NPTN: variants seen among roughly 807,000 people sequenced by gnomAD.
NPTN encodes the protein neuroplastin.
Under a neutral mutation model 42.7 loss-of-function variants are expected in NPTN, and 5 were observed. That is an observed-to-expected ratio of 0.12 (90% CI 0.06 to 0.25). The LOEUF (loss-of-function observed/expected upper bound fraction) is 0.25. Ranked by LOEUF, NPTN falls within the 10% of genes least tolerant of loss-of-function variation. The pLI, the probability that NPTN is intolerant of heterozygous loss-of-function variation, is 1.00. For missense variants in NPTN, 307 were observed against 525.4 expected, an observed-to-expected ratio of 0.58 and a Z score of 4.06; for synonymous variants, 180 against 201.9, an observed-to-expected ratio of 0.89 and a Z score of 0.92.
At chr15:73,595,024 C>G (rs1896768644) in intron 2 of NPTN, among the ~76,000 whole-genome samples, 1 of 151,012 alleles carries the variant, frequency 6.6e-6, no homozygotes, top group South Asian at 2.1e-4. Flanking sequence ...CTTGGGTTAA[C>G]TGACTGATGG....
Position 73,569,673 on chromosome 15 carries a change from A to G in NPTN, c.1114+477T>C. On this transcript the variant is annotated intron_variant, in intron 6 of 8. Coordinates refer to ENST00000345330, the MANE Select transcript of NPTN (RefSeq NM_012428.4). The surrounding 1 kb of genome is among the most constrained non-coding windows in gnomAD (Gnocchi z 4.1). ...TGACTGGGCTGGGGCAGTTACCTAC[A>G]GGGGCTACACCAGGCAACCATGTGA... The G allele has an allele frequency of 2.0e-6, 2 of 985,444 alleles. No homozygotes were observed. Among genetic ancestry groups the G allele is most frequent in the Non-Finnish European group, 2.4e-6 (2 of 829,936 alleles). 61.0% of individuals were successfully genotyped at this position (985,444 alleles called of 1,614,324 possible).
intron 1 of NPTN, among the ~76,000 whole-genome samples, chr15:73,626,474 A>G (rs970697675): frequency 2.0e-5 from 3 of 152,252 alleles, no homozygotes; most frequent in African/African-American, 7.2e-5. Flanking sequence ...TGGAGACAGT[A>G]TCTAAGCTAT....
intron 1 of NPTN, among the ~76,000 whole-genome samples, chr15:73,605,100 G>GC (rs1183337162): frequency 2.4e-4 from 30 of 123,768 alleles, no homozygotes; most frequent in African/African-American, 8.2e-4. Flanking sequence ...CCTGTCTCAA[G>GC]GGGGGGGGGG....
intron 1 of NPTN, among the ~76,000 whole-genome samples, chr15:73,632,265 C>A (rs1316579501): frequency 6.7e-6 from 1 of 149,860 alleles, no homozygotes; most frequent in Admixed American, 6.7e-5. Flanking sequence ...TCTTCCCCCA[C>A]CCCCATCTCT....
rs548503220 is a variant in NPTN at position 73,584,806 on chromosome 15, C to T, written c.706+2718G>A. Among the ~76,000 whole-genome samples the T allele has an allele frequency of 4.7e-4, 71 of 151,292 alleles. 2 individuals carry two copies. The South Asian group carries it at 0.015, about 31-fold the overall frequency. ...AAAAGGGAGAGAATTTAAAAACCTG[C>T]TCCAGATACAAGGCCTCCCCCACTA... On this transcript the variant is annotated intron_variant, in intron 4 of 8. Coordinates refer to ENST00000345330, the MANE Select transcript of NPTN (RefSeq NM_012428.4).
intron 1 of NPTN, among the ~76,000 whole-genome samples, chr15:73,612,409 G>T (rs79818691): frequency 0.016 from 2,199 of 133,960 alleles, 80 homozygotes; most frequent in African/African-American, 0.059. Context: ...CACAGAGCGA[G>T]ATCCTGTCTC....
At chr15:73,568,202 G>A (rs186775188) in intron 6 of NPTN, 20 of 985,508 alleles carry the variant, frequency 2.0e-5, no homozygotes, top group African/African-American at 1.7e-4. Flanking sequence ...CATGCACTGT[G>A]ATAGCAACCT....
intron 4 of NPTN, among the ~76,000 whole-genome samples, chr15:73,580,086 G>A (rs1895908815): frequency 6.6e-6 from 1 of 152,000 alleles, no homozygotes; most frequent in African/African-American, 2.4e-5. Context: ...ACTCAAGTTT[G>A]GAAAAGTAAT....
At chr15:73,573,271 A>G (rs1895509230) in intron 5 of NPTN, among the ~76,000 whole-genome samples, 1 of 152,166 alleles carries the variant, frequency 6.6e-6, no homozygotes, top group African/African-American at 2.4e-5. Context: ...GTTGTCTAAG[A>G]TAGGAAAGAT....
intron 1 of NPTN, among the ~76,000 whole-genome samples, chr15:73,627,136 G>T (rs1898459150): frequency 1.3e-5 from 2 of 152,220 alleles, no homozygotes; most frequent in Admixed American, 1.3e-4. Context: ...TCAGGAAGCT[G>T]AGGCAGGGAG....
chr15:73,611,701 T>C (rs1288417987), intron 1 of NPTN, among the ~76,000 whole-genome samples: 1 of 152,178 alleles, frequency 6.6e-6, no homozygotes, highest in Non-Finnish European at 1.5e-5. Flanking sequence ...TCAAAACTCA[T>C]AGTATGCACA....
intron 4 of NPTN, among the ~76,000 whole-genome samples, chr15:73,577,194 G>A (rs550009713): frequency 6.6e-6 from 1 of 152,256 alleles, no homozygotes; most frequent in Admixed American, 6.5e-5. Flanking sequence ...TCCCACACAA[G>A]CCTTGGAATC....
In NPTN at chr15:73,613,728, C is replaced by A. The variant is rs1647517546; in HGVS notation, c.92-16359G>T. Among the ~76,000 whole-genome samples the A allele has an allele frequency of 2.6e-5, 4 of 152,108 alleles. No homozygotes were observed. The South Asian group carries it at 8.3e-4, about 31-fold the overall frequency. ...TGAGACAGAGTCTCGCTCTGTCGCC[C>A]AGGATGGGGTGCAGTGGCACAATCT... On this transcript the variant is annotated intron_variant, in intron 1 of 8. Coordinates refer to ENST00000345330, the MANE Select transcript of NPTN (RefSeq NM_012428.4).
intron 1 of NPTN, among the ~76,000 whole-genome samples, chr15:73,619,835 T>C (rs1898046738): frequency 6.6e-6 from 1 of 152,196 alleles, no homozygotes; most frequent in Admixed American, 6.5e-5. Flanking sequence ...GATTAAAAAG[T>C]AACCAAGATA....
chr15:73,633,184 G>A lies in NPTN; in HGVS notation c.32C>T (p.Ala11Val). Reference sequence around the variant, plus strand: ...GCCAGAGACCAGCAACAGCGAGAGGGCCAGGGCGCTGGGCAGCGACGAACC... The same window carrying A: ...GCCAGAGACCAGCAACAGCGAGAGGACCAGGGCGCTGGGCAGCGACGAACC... The part of the protein sequence containing the change: MSGSSLPSAL[A>V]LSLLLVSGSL... Residue 11 changes from alanine to valine, a missense_variant, in exon 1 of 9, where the codon GCC becomes GTC. Ala to Val is a moderately conservative substitution (Grantham distance 64). Transcript: ENST00000345330. The A allele has an allele frequency of 6.5e-7, 1 of 1,530,326 alleles. No homozygotes were observed. The highest frequency in any genetic ancestry group is 8.7e-7 in the Non-Finnish European group (1 of 1,144,570). The allele number at this position is 1,530,326 out of a possible 1,614,324, so 94.8% of individuals were successfully genotyped here.
intron 1 of NPTN, among the ~76,000 whole-genome samples, chr15:73,611,427 A>G (rs1248008504): frequency 6.6e-6 from 1 of 152,054 alleles, no homozygotes; most frequent in Non-Finnish European, 1.5e-5. Context: ...AACAAAACAA[A>G]CTCTCAAGCC....
At chr15:73,612,230 G>A (rs1897617408) in intron 1 of NPTN, among the ~76,000 whole-genome samples, 1 of 151,958 alleles carries the variant, frequency 6.6e-6, no homozygotes, top group South Asian at 2.1e-4. Context: ...ACCAGCCTGG[G>A]TAACATAGGG....
chr15:73,628,889 A>C (rs1257108117), intron 1 of NPTN, among the ~76,000 whole-genome samples: 1 of 152,212 alleles, frequency 6.6e-6, no homozygotes. Flanking sequence ...ATGAGAAAAA[A>C]CAATGGGATT....
intron 4 of NPTN, among the ~76,000 whole-genome samples, chr15:73,585,488 G>C (rs988065923): frequency 1.4e-4 from 22 of 152,102 alleles, no homozygotes; most frequent in Non-Finnish European, 2.8e-4. Context: ...TATGATCCTG[G>C]GCCTATGGCA....
Sources: allele counts gnomAD v4.1 joint callset (sites outside exome capture counted in the v4.1 genomes callset), GRCh38; gene constraint gnomAD v4.1.1; non-coding constraint Gnocchi (gnomAD v3.1); transcripts MANE v1.5; gene names NCBI Gene and HGNC (gene_info 2026-07-23, HGNC 2026-07-21).